BAZ2B: variants seen among roughly 807,000 people sequenced by gnomAD.
BAZ2B encodes bromodomain adjacent to zinc finger domain 2B.
In BAZ2B, 91 loss-of-function variants were observed where a neutral mutation model predicts 246.0. The observed-to-expected ratio is 0.37, with a 90% CI of 0.31 to 0.44. The LOEUF is 0.44. Ranked by LOEUF, BAZ2B falls within the 20% of genes least tolerant of loss-of-function variation. The pLI is 1.00. For missense variants in BAZ2B, 2,332 were observed against 2,533.7 expected (o/e 0.92, Z 1.71); for synonymous variants, 855 against 860.0 (o/e 0.99, Z 0.10).
At chr2:159,594,335 A>G (rs1690111611) in intron 1 of BAZ2B, among the ~76,000 whole-genome samples, 1 of 152,310 alleles carries the variant, frequency 6.6e-6, no homozygotes, top group African/African-American at 2.4e-5. Context: ...TGAACCCGGG[A>G]GGCGGAGCTT....
chr2:159,568,079 C>T (rs76484093), intron 1 of BAZ2B, among the ~76,000 whole-genome samples: 2 of 152,326 alleles, frequency 1.3e-5, no homozygotes, highest in East Asian at 3.9e-4. Flanking sequence ...AGTACATTCA[C>T]AATGTTGTGG....
At chr2:159,693,751 C>G in the BAZ2B span, 1 of 151,770 alleles carries the variant, frequency 6.6e-6, no homozygotes, top group South Asian at 2.1e-4. Context: ...TTATGTTGCC[C>G]AGGCTGGAGT....
At chr2:159,365,346 C>T (rs2060112995) in intron 27 of BAZ2B, among the ~76,000 whole-genome samples, 1 of 152,174 alleles carries the variant, frequency 6.6e-6, no homozygotes. Flanking sequence ...GCTGTTTATA[C>T]TCATAAAGGT....
chr2:159,559,780 ATTCT>A (rs1241218616), intron 1 of BAZ2B, among the ~76,000 whole-genome samples: 6 of 152,334 alleles, frequency 3.9e-5, no homozygotes, highest in South Asian at 2.1e-4. Context: ...GCAAAAGGTA[ATTCT>A]TTCAAATCAT....
chr2:159,689,870 A>C, the BAZ2B span: 2 of 438,814 alleles, frequency 4.6e-6, no homozygotes, highest in African/African-American at 4.2e-5. Context: ...ATAAGAGGTC[A>C]TCCATATCTG....
chr2:159,569,685 T>A (rs1301218836), intron 1 of BAZ2B, among the ~76,000 whole-genome samples: 1 of 152,100 alleles, frequency 6.6e-6, no homozygotes, highest in African/African-American at 2.4e-5. Context: ...TGTAGCCAGA[T>A]GCGGTAGCAC....
intron 3 of BAZ2B, among the ~76,000 whole-genome samples, chr2:159,477,252 C>T (rs1340652070): frequency 6.6e-6 from 1 of 151,826 alleles, no homozygotes; most frequent in African/African-American, 2.4e-5. Context: ...TTGCAGTGAG[C>T]CAAGATTGTG....
chr2:159,429,020 T>C (rs2070554662), intron 11 of BAZ2B, among the ~76,000 whole-genome samples, 180 bp downstream of exon 11: 1 of 152,120 alleles, frequency 6.6e-6, no homozygotes, highest in Non-Finnish European at 1.5e-5. Context: ...GGAAACAGGA[T>C]TAATTTCAGT....
the BAZ2B span, among the ~76,000 whole-genome samples, chr2:159,630,040 G>C: frequency 0.14 from 20,984 of 152,158 alleles, 1,669 homozygotes; most frequent in East Asian, 0.36. Flanking sequence ...CTAAAAGGAG[G>C]AAGGGAGCAG....
At chr2:159,496,650 G>A (rs1436942985) in intron 2 of BAZ2B, among the ~76,000 whole-genome samples, 1 of 151,048 alleles carries the variant, frequency 6.6e-6, no homozygotes, top group Non-Finnish European at 1.5e-5. Flanking sequence ...GGCATGGTGA[G>A]GCATGACTGT....
intron 2 of BAZ2B, among the ~76,000 whole-genome samples, chr2:159,501,174 TTA>T (rs1339195562): frequency 1.1e-5 from 1 of 92,276 alleles, no homozygotes; most frequent in Admixed American, 1.4e-4. Context: ...ATAATATATA[TTA>T]TATATATTTA....
At chr2:159,414,680 G>C (rs556046241) in intron 13 of BAZ2B, among the ~76,000 whole-genome samples, 1 of 151,922 alleles carries the variant, frequency 6.6e-6, no homozygotes, top group African/African-American at 2.4e-5. Context: ...AGCTGGGCAC[G>C]GTGGCGGGTG....
chr2:159,578,695 T>C (rs1032377730), intron 1 of BAZ2B, among the ~76,000 whole-genome samples: 8 of 152,058 alleles, frequency 5.3e-5, no homozygotes, highest in Non-Finnish European at 1.2e-4. Flanking sequence ...CCTCAGCAAA[T>C]GTAAAAGAAC....
At chr2:159,612,963 G>C (rs1311555431) in intron 1 of BAZ2B, among the ~76,000 whole-genome samples, 1 of 151,978 alleles carries the variant, frequency 6.6e-6, no homozygotes, top group Non-Finnish European at 1.5e-5. Flanking sequence ...TTAAATGAAT[G>C]GCTTATAAAA....
chr2:159,519,210 CTTTTTTTTTTTTTT>C (rs564614568), intron 2 of BAZ2B, among the ~76,000 whole-genome samples: 7 of 57,778 alleles, frequency 1.2e-4, no homozygotes, highest in Middle Eastern at 0.015. Context: ...ATTCTATTTT[CTTTTTTTTTTTTTT>C]TTTTTTTTTT....
chr2:159,462,109 G>A (rs1310824132), intron 3 of BAZ2B: 1 of 261,842 alleles, frequency 3.8e-6, no homozygotes, highest in Non-Finnish European at 7.3e-6. Flanking sequence ...TTTTTAAACA[G>A]TAAAATGTCT....
At chr2:159,413,225 C>T (rs919539363) in intron 13 of BAZ2B, among the ~76,000 whole-genome samples, 29 of 152,072 alleles carry the variant, frequency 1.9e-4, no homozygotes, top group Admixed American at 6.6e-5. Flanking sequence ...AAAAGAAACA[C>T]GGAAGTATAA....
At chr2:159,416,853 T>C (rs1389889659) in intron 13 of BAZ2B, among the ~76,000 whole-genome samples, 2 of 152,196 alleles carry the variant, frequency 1.3e-5, no homozygotes, top group Non-Finnish European at 1.5e-5. Flanking sequence ...AAAGAATCAT[T>C]AGGAAAATCT....
intron 13 of BAZ2B, among the ~76,000 whole-genome samples, chr2:159,416,133 CAAGAA>C (rs549621777): frequency 3.2e-4 from 49 of 151,960 alleles, no homozygotes; most frequent in Non-Finnish European, 5.3e-4. Flanking sequence ...AAGATTATGT[CAAGAA>C]AAGACCGTCA....
Sources: gnomAD v4.1 joint callset for allele counts (sites outside exome capture counted in the v4.1 genomes callset) on GRCh38, gnomAD v4.1.1 for gene constraint, MANE v1.5 for transcripts, NCBI Gene and HGNC (gene_info 2026-07-23, HGNC 2026-07-21) for gene names.